The following LDAH variants were observed in gnomAD, a reference collection of about 807,000 sequenced individuals.
The protein encoded by LDAH is lipid droplet-associated hydrolase.
A neutral mutation model predicts 29.6 loss-of-function variants in LDAH; 26 were observed. The ratio of observed to expected loss-of-function variants is 0.88; its 90% confidence interval spans 0.64 to 1.22. The LOEUF is 1.22. LDAH is among the 50% of genes most tolerant of loss of function. LDAH has a pLI of 0.00. For synonymous variants in LDAH, 117 were observed against 133.0 expected, an observed-to-expected ratio of 0.88 and a Z score of 0.83; for missense variants, 344 against 387.3, an observed-to-expected ratio of 0.89 and a Z score of 0.94.
chr2:20,811,653 T>G (rs1309629974), intron 1 of LDAH, among the ~76,000 whole-genome samples: 2 of 151,478 alleles, frequency 1.3e-5, no homozygotes, highest in East Asian at 3.9e-4. Flanking sequence ...CCTGGCTAAT[T>G]TTTTGTATTT....
downstream of LDAH, chr2:20,684,011 G>A (rs570376419): frequency 8.5e-5 from 13 of 152,162 alleles, no homozygotes; most frequent in Admixed American, 2.6e-4. Flanking sequence ...AATGAGACAC[G>A]GATGCAGGAG....
At chr2:20,815,971 T>C (rs544516573) in intron 1 of LDAH, among the ~76,000 whole-genome samples, 3 of 152,070 alleles carry the variant, frequency 2.0e-5, no homozygotes, top group South Asian at 2.1e-4. Context: ...ATAGAGAAAA[T>C]ACAAATATTA....
chr2:20,710,769 A>C (rs567471610), intron 5 of LDAH, among the ~76,000 whole-genome samples: 1 of 147,534 alleles, frequency 6.8e-6, no homozygotes, highest in East Asian at 1.9e-4. Flanking sequence ...ACACATATAT[A>C]TGACTATTTT....
At chr2:20,796,833 T>C (rs1483580519) in intron 2 of LDAH, among the ~76,000 whole-genome samples, 4 of 152,166 alleles carry the variant, frequency 2.6e-5, no homozygotes, top group African/African-American at 9.7e-5. Context: ...GAGCTGGAAA[T>C]GATTAGCATT....
intron 5 of LDAH, among the ~76,000 whole-genome samples, chr2:20,721,457 G>A (rs1665644093): frequency 6.6e-6 from 1 of 151,976 alleles, no homozygotes. Flanking sequence ...TGGGTGATGG[G>A]TGGACCAAAA....
At chr2:20,683,267 A>G (rs1348752887), downstream of LDAH, among the ~76,000 whole-genome samples, 17 of 152,206 alleles carry the variant, frequency 1.1e-4, no homozygotes, top group Admixed American at 9.8e-4. Context: ...GGGCACAGGC[A>G]GGAATCTCAA....
chr2:20,717,007 A>C (rs1458454875), intron 5 of LDAH, among the ~76,000 whole-genome samples: 5 of 152,146 alleles, frequency 3.3e-5, no homozygotes, highest in Non-Finnish European at 4.4e-5. Flanking sequence ...AAAATTAATA[A>C]ATGGTCTTTT....
At chr2:20,814,525 A>G (rs1454041671) in intron 1 of LDAH, among the ~76,000 whole-genome samples, 1 of 152,070 alleles carries the variant, frequency 6.6e-6, no homozygotes, top group African/African-American at 2.4e-5. Context: ...CAGGGGCACA[A>G]TCTTCGCTCA....
At chr2:20,708,455 CAAGGTAAAATTCAG>C (rs1664468948) in intron 5 of LDAH, among the ~76,000 whole-genome samples, 1 of 152,126 alleles carries the variant, frequency 6.6e-6, no homozygotes, top group Non-Finnish European at 1.5e-5. Flanking sequence ...CAGCATCTGA[CAAGGTAAAATTCAG>C]AATGTAAGCT....
chr2:20,707,450 TGCCATGTTA>T (rs1176080997), intron 5 of LDAH, among the ~76,000 whole-genome samples: 8 of 152,210 alleles, frequency 5.3e-5, no homozygotes, highest in Non-Finnish European at 8.8e-5. Context: ...TCTCCATGCT[TGCCATGTTA>T]ACACACCTGA....
At chr2:20,702,940 C>T (rs1664052179) in intron 5 of LDAH, among the ~76,000 whole-genome samples, 1 of 152,216 alleles carries the variant, frequency 6.6e-6, no homozygotes, top group African/African-American at 2.4e-5. Context: ...AATTCTCCTG[C>T]CTCAGCCTCC....
rs191014358 is a variant in LDAH, at chr2:20,773,486, G to A, written c.468+1324C>T. ...TTCGAAGGCACAAAAGAGATTAGAA[G>A]CTGTGCAAAATGCTAAAAGGAAAAA... is the stretch of plus-strand genomic sequence containing the variant. On this transcript the variant is annotated intron_variant, in intron 4 of 6. Coordinates refer to ENST00000237822, the MANE Select transcript of LDAH (RefSeq NM_021925.4). Among the ~76,000 whole-genome samples the A allele has an allele frequency of 2.3e-3, 344 of 152,172 alleles. 9 individuals are homozygous for A. The highest frequency in any genetic ancestry group is 3.2e-4 in the Non-Finnish European group (22 of 68,010).
chr2:20,703,575 A>G (rs1175787179), intron 5 of LDAH, among the ~76,000 whole-genome samples: 5 of 152,156 alleles, frequency 3.3e-5, no homozygotes, highest in Non-Finnish European at 5.9e-5. Flanking sequence ...GGTATCTAGA[A>G]CCACACTTCC....
intron 6 of LDAH, among the ~76,000 whole-genome samples, chr2:20,688,773 T>A (rs1260588216): frequency 1.3e-5 from 2 of 150,868 alleles, no homozygotes; most frequent in Non-Finnish European, 2.9e-5. Flanking sequence ...GAGTAAATTA[T>A]GAACAAGTAA....
At chr2:20,742,591 C>T (rs757076810) in intron 4 of LDAH, among the ~76,000 whole-genome samples, 2 of 152,050 alleles carry the variant, frequency 1.3e-5, no homozygotes, top group African/African-American at 4.8e-5. Context: ...TTTGAAAAGT[C>T]GGCCTTGTCT....
At chr2:20,734,342 C>G (rs1198212027) in intron 5 of LDAH, among the ~76,000 whole-genome samples, 1 of 152,044 alleles carries the variant, frequency 6.6e-6, no homozygotes, top group Admixed American at 6.6e-5. Context: ...TGTTTGTTCT[C>G]TGTCATGTCT....
rs576119635 is a variant in LDAH at position 20,788,070 on chromosome 2, C to A, written c.298+2185G>T. Among the ~76,000 whole-genome samples the A allele has an allele frequency of 8.5e-5, 13 of 152,162 alleles. No homozygotes were observed. The East Asian group carries it at 2.1e-3, about 25-fold the overall frequency. ...TTTCAACCTTTAACTTACAGGACAC[C>A]GATTTTTTATTTTCTTATTCAGTTT... On this transcript the variant is annotated intron_variant, in intron 3 of 6. Coordinates refer to ENST00000237822, the MANE Select transcript of LDAH (RefSeq NM_021925.4).
At chr2:20,712,036 C>T (rs1253636730) in intron 5 of LDAH, among the ~76,000 whole-genome samples, 1 of 152,234 alleles carries the variant, frequency 6.6e-6, no homozygotes, top group Non-Finnish European at 1.5e-5. Flanking sequence ...AGCAGTGGTT[C>T]TCCCAGCACA....
At chr2:20,757,279 T>G (rs1471906917) in intron 4 of LDAH, among the ~76,000 whole-genome samples, 4 of 152,170 alleles carry the variant, frequency 2.6e-5, no homozygotes, top group Admixed American at 2.6e-4. Flanking sequence ...CTGGGAATTG[T>G]GTGCCCATAA....
Sources: gnomAD v4.1 joint callset for allele counts (sites outside exome capture counted in the v4.1 genomes callset) on GRCh38, gnomAD v4.1.1 for gene constraint, MANE v1.5 for transcripts, NCBI Gene and HGNC (gene_info 2026-07-23, HGNC 2026-07-21) for gene names.